The following FAM81A variants were observed in gnomAD, a reference collection of about 807,000 sequenced individuals.
FAM81A encodes family with sequence similarity 81 member A.
FAM81A carries 19 observed loss-of-function variants against 46.7 expected under a neutral mutation model. That is an observed-to-expected ratio of 0.41 (90% CI 0.28 to 0.60). FAM81A has a LOEUF of 0.60. Ranked by LOEUF, FAM81A falls within the 20% of genes least tolerant of loss-of-function variation. The pLI, the probability that FAM81A is intolerant of heterozygous loss-of-function variation, is 0.34. For missense variants in FAM81A, 377 were observed against 453.5 expected (o/e 0.83, Z 1.53); for synonymous variants, 183 against 152.9 (o/e 1.20, Z -1.45).
chr15:59,403,956 T>G (rs1480691777), intron 2 of FAM81A, among the ~76,000 whole-genome samples: 11 of 151,220 alleles, frequency 7.3e-5, no homozygotes, highest in African/African-American at 2.7e-4. Flanking sequence ...TGATCTCGGC[T>G]CACTGCAACC....
chr15:59,442,767 TTC>T (rs1271163736), intron 1 of FAM81A, among the ~76,000 whole-genome samples: 1 of 152,182 alleles, frequency 6.6e-6, no homozygotes, highest in Non-Finnish European at 1.5e-5. Flanking sequence ...TATTCTCTCA[TTC>T]TCTCTCTGTG....
At chr15:59,514,702 C>T (rs545120954) in intron 7 of FAM81A, among the ~76,000 whole-genome samples, 1 of 152,286 alleles carries the variant, frequency 6.6e-6, no homozygotes, top group East Asian at 1.9e-4. Context: ...TGTTCATCTT[C>T]GTTTCTACAT....
chr15:59,482,599 T>G (rs1293191220), intron 3 of FAM81A, among the ~76,000 whole-genome samples: 1 of 152,226 alleles, frequency 6.6e-6, no homozygotes, highest in East Asian at 1.9e-4. Context: ...TATTAGGCGC[T>G]GGGCTCGTTC....
At chr15:59,455,108 C>G (rs2081467864) in intron 1 of FAM81A, among the ~76,000 whole-genome samples, 1 of 151,222 alleles carries the variant, frequency 6.6e-6, no homozygotes, top group Non-Finnish European at 1.5e-5. Context: ...ACCATATTGC[C>G]CAGGCTGGTC....
At chr15:59,472,667 C>G (rs1019008739) in intron 3 of FAM81A, among the ~76,000 whole-genome samples, 23 of 152,114 alleles carry the variant, frequency 1.5e-4, no homozygotes, top group Admixed American at 1.3e-3. Context: ...CCTCCCACCT[C>G]AGCCTCCTGA....
At chr15:59,467,926 T>A (rs1161300663) in intron 3 of FAM81A, among the ~76,000 whole-genome samples, 2 of 152,216 alleles carry the variant, frequency 1.3e-5, no homozygotes, top group African/African-American at 4.8e-5. Context: ...GACGGGCTGT[T>A]GAATTTTGTC....
At chr15:59,400,894 A>G (rs1330435312) in intron 1 of FAM81A, among the ~76,000 whole-genome samples, 1 of 152,124 alleles carries the variant, frequency 6.6e-6, no homozygotes, top group Non-Finnish European at 1.5e-5. Flanking sequence ...GTTTCTATTG[A>G]TGCATTTTTA....
At chr15:59,449,624 C>T (rs530166262) in intron 1 of FAM81A, among the ~76,000 whole-genome samples, 15 of 151,846 alleles carry the variant, frequency 9.9e-5, no homozygotes, top group East Asian at 1.9e-4. Flanking sequence ...TACTAAAAAA[C>T]ACAAAAAATT....
chr15:59,494,465 C>T (rs1439822955), intron 4 of FAM81A, among the ~76,000 whole-genome samples: 1 of 152,184 alleles, frequency 6.6e-6, no homozygotes, highest in Non-Finnish European at 1.5e-5. Flanking sequence ...CCTTATGATG[C>T]TGGTTCTAAT....
chr15:59,452,406 G>C (rs763190030), intron 1 of FAM81A, among the ~76,000 whole-genome samples: 4 of 152,226 alleles, frequency 2.6e-5, no homozygotes, highest in Admixed American at 2.0e-4. Context: ...CAGCACTTTG[G>C]GAGGCCAAGG....
chr15:59,410,010 T>C (rs555817626), intron 2 of FAM81A, among the ~76,000 whole-genome samples: 17 of 152,172 alleles, frequency 1.1e-4, no homozygotes, highest in African/African-American at 3.9e-4. Flanking sequence ...ATATAGAAAT[T>C]ACTAGTGCAG....
At chr15:59,412,410 T>C (rs982724547) in intron 2 of FAM81A, among the ~76,000 whole-genome samples, 1 of 152,166 alleles carries the variant, frequency 6.6e-6, no homozygotes, top group Non-Finnish European at 1.5e-5. Context: ...GTTTTTGGAT[T>C]AATCAAAAGA....
chr15:59,398,214 TAAG>T (rs1163095805), intron 1 of FAM81A, among the ~76,000 whole-genome samples: 1 of 152,192 alleles, frequency 6.6e-6, no homozygotes, highest in African/African-American at 2.4e-5. Flanking sequence ...GCCATCTGCA[TAAG>T]AAGAAGAGTG....
At chr15:59,465,418 A>AC (rs1225696199) in intron 3 of FAM81A, among the ~76,000 whole-genome samples, 42 of 152,138 alleles carry the variant, frequency 2.8e-4, no homozygotes, top group Admixed American at 2.8e-3. Context: ...GATTACAGGC[A>AC]CATGTCATCA....
At chr15:59,497,471 T>C (rs564184901) in intron 4 of FAM81A, among the ~76,000 whole-genome samples, 1 of 152,210 alleles carries the variant, frequency 6.6e-6, no homozygotes, top group Admixed American at 6.5e-5. Flanking sequence ...TAAGATCAGT[T>C]TGTCAATTTC....
intron 3 of FAM81A, among the ~76,000 whole-genome samples, chr15:59,474,975 G>A (rs1316534814): frequency 3.3e-5 from 5 of 152,092 alleles, no homozygotes; most frequent in Admixed American, 2.6e-4. Context: ...GGAAGAACTT[G>A]TTTATGAAAC....
At chr15:59,489,292 TAC>T (rs1332219118) in intron 3 of FAM81A, among the ~76,000 whole-genome samples, 4 of 150,452 alleles carry the variant, frequency 2.7e-5, no homozygotes, top group African/African-American at 7.3e-5. Flanking sequence ...CATACATACA[TAC>T]ATACATACAT....
intron 3 of FAM81A, among the ~76,000 whole-genome samples, chr15:59,468,580 C>G (rs1161358132): frequency 3.3e-5 from 5 of 150,944 alleles, no homozygotes; most frequent in South Asian, 2.1e-4. Flanking sequence ...TTTATTGCAT[C>G]TATTTGATTC....
At chr15:59,407,428 G>A (rs1391904149) in intron 2 of FAM81A, among the ~76,000 whole-genome samples, 2 of 151,078 alleles carry the variant, frequency 1.3e-5, no homozygotes, top group Non-Finnish European at 1.5e-5. Flanking sequence ...CCCAGTATCT[G>A]GGACTACAGG....
Sources: gnomAD v4.1 joint callset for allele counts (sites outside exome capture counted in the v4.1 genomes callset) on GRCh38, gnomAD v4.1.1 for gene constraint, MANE v1.5 for transcripts, NCBI Gene and HGNC (gene_info 2026-07-23, HGNC 2026-07-21) for gene names.